The following TTC28 variants were observed in gnomAD, a reference collection of about 807,000 sequenced individuals.
TTC28 encodes the protein tetratricopeptide repeat domain 28, also known as tetratricopeptide repeat protein 28.
TTC28 carries 61 observed loss-of-function variants against 198.0 expected under a neutral mutation model. The ratio of observed to expected loss-of-function variants is 0.31; its 90% CI spans 0.25 to 0.38. The LOEUF (loss-of-function observed/expected upper bound fraction) is 0.38, where lower values mean the gene tolerates loss of function less well. Among genes scored for constraint, TTC28 ranks in the 10% least tolerant of loss-of-function variants. The pLI, the probability that TTC28 is intolerant of heterozygous loss-of-function variation, is 1.00. For synonymous variants in TTC28, 1,171 were observed against 1,297.8 expected (o/e 0.90, Z 2.10); for missense variants, 2,678 against 3,164.0 (o/e 0.85, Z 3.69).
At chr22:28,154,500 G>C (rs1943704791) in intron 6 of TTC28, among the ~76,000 whole-genome samples, 1 of 151,894 alleles carries the variant, frequency 6.6e-6, no homozygotes, top group South Asian at 2.1e-4. Flanking sequence ...ACAGGCGCCT[G>C]CCGCCACGCC....
At chr22:27,991,173 C>T (rs1337099955) in intron 19 of TTC28, among the ~76,000 whole-genome samples, 3 of 152,242 alleles carry the variant, frequency 2.0e-5, no homozygotes, top group Non-Finnish European at 1.5e-5. Context: ...GCTGCCACCA[C>T]TGGGGGCAGC....
chr22:27,998,312 AC>A (rs1189522259), intron 16 of TTC28: 2 of 699,478 alleles, frequency 2.9e-6, no homozygotes, highest in Non-Finnish European at 4.6e-6. Context: ...ACATTCATAC[AC>A]TCATGGCAAA....
Position 28,679,778 on chromosome 22 carries a change from G to GCGCGCGCCGGTTC in TTC28, c.-68_-56dup. 1 of 998,502 alleles carries GCGCGCGCCGGTTC rather than the reference G, an allele frequency of 1.0e-6. No individual in the cohort carries two copies. The highest frequency in any genetic ancestry group is 1.3e-6 in the Non-Finnish European group (1 of 794,350). The allele number at this position is 998,502 out of a possible 1,614,324, so 61.9% of individuals were successfully genotyped here. On this transcript the variant is annotated 5_prime_UTR_variant, in exon 1 of 23. The change abolishes the stop of an existing upstream ORF in the 5' untranslated region. Coordinates refer to ENST00000397906, the MANE Select transcript of TTC28 (RefSeq NM_001145418.2). Reference sequence around the variant, plus strand: ...GAGCTAACGGTCCCGCCAGCTAGGCGCGCGCGCCGGTTCCGCGCGCCATGT... The same window carrying GCGCGCGCCGGTTC: ...GAGCTAACGGTCCCGCCAGCTAGGCGCGCGCGCCGGTTCCGCGCGCCGGTTCCGCGCGCCATGT...
At chr22:28,461,967 C>G (rs1327774007) in intron 2 of TTC28, among the ~76,000 whole-genome samples, 2 of 152,220 alleles carry the variant, frequency 1.3e-5, no homozygotes, top group Non-Finnish European at 2.9e-5. Flanking sequence ...CAGCTTGTCT[C>G]AGAATCTTCT....
chr22:28,359,722 G>T (rs950084354), intron 2 of TTC28, among the ~76,000 whole-genome samples: 3 of 152,160 alleles, frequency 2.0e-5, no homozygotes, highest in African/African-American at 7.2e-5. Context: ...GGTAACAAGA[G>T]AAGCTGTGTT....
intron 5 of TTC28, among the ~76,000 whole-genome samples, chr22:28,228,381 T>C (rs1928512306): frequency 6.6e-6 from 1 of 152,150 alleles, no homozygotes; most frequent in African/African-American, 2.4e-5. Flanking sequence ...TATGTATGTT[T>C]TACCACAATA....
chr22:27,985,563 C>T (rs552227844), intron 21 of TTC28: 8 of 463,166 alleles, frequency 1.7e-5, no homozygotes, highest in African/African-American at 5.9e-5. Context: ...ATCCACTCTA[C>T]GCAGCCCCCA....
chr22:28,280,407 A>ACCTCCG (rs955089620), intron 5 of TTC28, among the ~76,000 whole-genome samples: 15 of 151,926 alleles, frequency 9.9e-5, no homozygotes, highest in South Asian at 6.2e-4. Context: ...GCTCACTGTA[A>ACCTCCG]CCTCCGCCTC....
chr22:28,240,497 G>T (rs1929585361), intron 5 of TTC28, among the ~76,000 whole-genome samples: 1 of 151,846 alleles, frequency 6.6e-6, no homozygotes, highest in African/African-American at 2.4e-5. Context: ...GTATCTATAG[G>T]TATACATATG....
At chr22:28,064,623 T>C (rs1940682688) in intron 12 of TTC28, among the ~76,000 whole-genome samples, 2 of 151,962 alleles carry the variant, frequency 1.3e-5, no homozygotes, top group South Asian at 4.2e-4. Context: ...TATAATAATA[T>C]TTTATTGTTA....
At chr22:28,342,833 G>A (rs1196184446) in intron 2 of TTC28, among the ~76,000 whole-genome samples, 1 of 152,108 alleles carries the variant, frequency 6.6e-6, no homozygotes, top group African/African-American at 2.4e-5. Flanking sequence ...GACAAGAGAA[G>A]CTATAATAAA....
intron 2 of TTC28, among the ~76,000 whole-genome samples, chr22:28,395,464 T>G (rs1443035715): frequency 6.6e-6 from 1 of 151,832 alleles, no homozygotes; most frequent in Admixed American, 6.6e-5. Flanking sequence ...AAACCCCAAC[T>G]CTACTAAAAA....
At chr22:28,634,484 C>T (rs947572193) in intron 1 of TTC28, among the ~76,000 whole-genome samples, 6 of 134,040 alleles carry the variant, frequency 4.5e-5, no homozygotes, top group African/African-American at 1.1e-4. Flanking sequence ...TCCAGCCTGG[C>T]GACTAAGCGA....
At chr22:28,080,879 G>A (rs1467497604) in intron 12 of TTC28, among the ~76,000 whole-genome samples, 8 of 151,988 alleles carry the variant, frequency 5.3e-5, no homozygotes. Flanking sequence ...ATAAATAAGG[G>A]TCCAACGTTT....
intron 5 of TTC28, among the ~76,000 whole-genome samples, chr22:28,260,503 C>G (rs545320633): frequency 6.6e-6 from 1 of 152,104 alleles, no homozygotes; most frequent in Non-Finnish European, 1.5e-5. Context: ...TATTATAGTA[C>G]TAAGTCTTCA....
chr22:28,422,447 T>C (rs912291319), intron 2 of TTC28, among the ~76,000 whole-genome samples: 3 of 151,994 alleles, frequency 2.0e-5, no homozygotes, highest in African/African-American at 7.2e-5. Context: ...AATAATTTTT[T>C]TTTTTTTTTG....
chr22:28,103,433 C>A (rs1942213657), intron 8 of TTC28, among the ~76,000 whole-genome samples: 1 of 152,216 alleles, frequency 6.6e-6, no homozygotes, highest in African/African-American at 2.4e-5. Flanking sequence ...TGATGCTGAT[C>A]TACAAGGCCC....
chr22:28,586,877 G>GTCCATT (rs2050327791), intron 2 of TTC28, among the ~76,000 whole-genome samples: 1 of 152,150 alleles, frequency 6.6e-6, no homozygotes, highest in Non-Finnish European at 1.5e-5. Flanking sequence ...AATATATGAA[G>GTCCATT]TGTACCTTTC....
At chr22:27,993,155 C>A in intron 18 of TTC28, 132 bp downstream of exon 18, 1 of 797,862 alleles carries the variant, frequency 1.3e-6, no homozygotes, top group South Asian at 1.9e-5. Flanking sequence ...GGACCCCCTG[C>A]CATTTCTCAG....
Sources: gnomAD v4.1 joint callset for allele counts (sites outside exome capture counted in the v4.1 genomes callset) on GRCh38, gnomAD v4.1.1 for gene constraint, MANE v1.5 for transcripts, NCBI Gene and HGNC (gene_info 2026-07-23, HGNC 2026-07-21) for gene names.